The following SLC37A2 variants were observed in gnomAD, a reference collection of about 807,000 sequenced individuals.
SLC37A2 encodes the protein glucose-6-phosphate exchanger SLC37A2.
In SLC37A2, 59 loss-of-function variants were observed where a neutral mutation model predicts 70.7. That is an observed-to-expected ratio of 0.83 (90% confidence interval 0.68 to 1.04). The LOEUF (loss-of-function observed/expected upper bound fraction) is 1.04, where lower values mean the gene tolerates loss of function less well. Among genes scored for constraint, SLC37A2 ranks in the 50% least tolerant of loss-of-function variants. The probability of loss-of-function intolerance (pLI) is 0.00; values close to 1 mark genes in which losing one functional copy is unlikely to be tolerated. For synonymous variants in SLC37A2, 257 were observed against 262.1 expected, an observed-to-expected ratio of 0.98 and a Z score of 0.19; for missense variants, 580 against 658.1, an observed-to-expected ratio of 0.88 and a Z score of 1.30.
chr11:125,063,791 G>T lies in SLC37A2; in HGVS notation c.59+365G>T, dbSNP rs191359045. Among the ~76,000 whole-genome samples, 1 of 152,346 alleles carries T rather than the reference G, an allele frequency of 6.6e-6. No homozygotes were observed. Among genetic ancestry groups the T allele is most frequent in the East Asian group, 1.9e-4 (1 of 5,172 alleles). On this transcript the variant is annotated intron_variant, in intron 1 of 17. Coordinates refer to ENST00000403796, the MANE Select transcript of SLC37A2 (RefSeq NM_001145290.2). The surrounding 1 kb of genome is among the most constrained non-coding windows in gnomAD (Gnocchi z 5.4). ...GCAGCTGGGGAACCTGGGCTCGAAG[G>T]CTGGGGAACCGAGGCCAGGGGATGG...
At chr11:125,068,707 A>G (rs1949003205) in intron 1 of SLC37A2, among the ~76,000 whole-genome samples, 1 of 152,246 alleles carries the variant, frequency 6.6e-6, no homozygotes, top group African/African-American at 2.4e-5. Context: ...GGTATACAGG[A>G]AGCATGGAAT....
chr11:125,069,148 G>A (rs1331118427), intron 1 of SLC37A2, among the ~76,000 whole-genome samples: 1 of 152,182 alleles, frequency 6.6e-6, no homozygotes, highest in Non-Finnish European at 1.5e-5. Flanking sequence ...TTTGTGCCAG[G>A]CATTGTTTAT....
chr11:125,073,666 A>G (rs1436324496), intron 1 of SLC37A2, among the ~76,000 whole-genome samples: 1 of 152,268 alleles, frequency 6.6e-6, no homozygotes, highest in Non-Finnish European at 1.5e-5. Flanking sequence ...AAAAGATGTA[A>G]GGAATGAAAC....
intron 4 of SLC37A2, among the ~76,000 whole-genome samples, chr11:125,078,863 C>T (rs963456095): frequency 2.0e-5 from 3 of 151,760 alleles, no homozygotes; most frequent in African/African-American, 7.3e-5. Flanking sequence ...AAGACCGCAC[C>T]GAGAGGAAAA....
In SLC37A2 at chr11:125,083,670, T is replaced by G; in HGVS notation, c.977-145T>G. 1.4e-6 allele frequency: 1 copy of G among 707,412 alleles called. No homozygotes were observed. The highest frequency in any genetic ancestry group is 2.5e-6 in the Non-Finnish European group (1 of 403,670). The allele number at this position is 707,412 out of a possible 1,614,324, so 43.8% of individuals were successfully genotyped here. ...CTGCTGCATTCTCACCCTGTGGCCC[T>G]GGCCAGCCTGCTCCACAGGTCCCCA... On this transcript the variant is annotated intron_variant, in intron 10 of 17. Coordinates refer to ENST00000403796, the MANE Select transcript of SLC37A2 (RefSeq NM_001145290.2). The surrounding 1 kb of genome is among the most constrained non-coding windows in gnomAD (Gnocchi z 4.6).
chr11:125,076,621 C>T (rs562884340), intron 1 of SLC37A2, 136 bp from the exon 2 acceptor site: 5 of 780,040 alleles, frequency 6.4e-6, no homozygotes, highest in African/African-American at 3.4e-5. Flanking sequence ...TCCCCTTGGC[C>T]TCTGCACCAA....
chr11:125,074,554 A>G (rs1372422768), intron 1 of SLC37A2, among the ~76,000 whole-genome samples: 1 of 151,578 alleles, frequency 6.6e-6, no homozygotes, highest in Non-Finnish European at 1.5e-5. Context: ...GATAAGGAAG[A>G]ACACCTGGGG....
intron 4 of SLC37A2, among the ~76,000 whole-genome samples, chr11:125,078,786 T>C (rs1449275990): frequency 7.4e-6 from 1 of 134,242 alleles, no homozygotes; most frequent in African/African-American, 3.0e-5. Context: ...GGCCTGAAGA[T>C]ATGCATGTGA....
At chr11:125,078,127 G>A (rs1201811111) in intron 4 of SLC37A2, among the ~76,000 whole-genome samples, 1 of 152,212 alleles carries the variant, frequency 6.6e-6, no homozygotes, top group Non-Finnish European at 1.5e-5. Context: ...AAGGGACTTG[G>A]GTGCGGCGGT....
chr11:125,079,572 A>G, intron 5 of SLC37A2, 112 bp from the exon 6 acceptor site: 5 of 786,676 alleles, frequency 6.4e-6, no homozygotes, highest in Non-Finnish European at 1.1e-5. Flanking sequence ...AGTGTGGGGT[A>G]TGGAGGGCCC....
chr11:125,080,379 C>A lies in SLC37A2; in HGVS notation c.528-235C>A, dbSNP rs760345898. The stretch of plus-strand genomic sequence containing the variant: ...CCCTCAGTGTGGCTAGAGCTCCCAT[C>A]GGCACTCACTCAGGGAGCTGGGCAG... On this transcript the variant is annotated intron_variant, in intron 6 of 17. Transcript: ENST00000403796. This position sits in a 1 kb window ranked among gnomAD's most constrained non-coding sequence, Gnocchi z 4.3. Among the ~76,000 whole-genome samples, 1 of 152,192 alleles carries A rather than the reference C, an allele frequency of 6.6e-6. No individual in the cohort carries two copies. The highest frequency in any genetic ancestry group is 1.5e-5 in the Non-Finnish European group (1 of 68,034).
chr11:125,079,928 A>T (rs1009959294), intron 6 of SLC37A2, among the ~76,000 whole-genome samples, 168 bp downstream of exon 6: 1 of 152,156 alleles, frequency 6.6e-6, no homozygotes, highest in Non-Finnish European at 1.5e-5. Flanking sequence ...TTTCTCACTG[A>T]TGAGGCTTTA....
At position 125,083,855 on chromosome 11, in the gene SLC37A2, C is replaced by T; in HGVS notation, c.1017C>T (p.Leu339=). ...SAKEAGDLST[L]FDVGGIIGGI... ...AGGAGGCTGGGGACCTGTCTACACT[C>T]TTCGATGTTGGTGGCATCATAGGTG... The change falls in exon 11 of 18, where the codon CTC becomes CTT. Residue 339 remains leucine, a synonymous_variant. Coordinates refer to ENST00000403796, the MANE Select transcript of SLC37A2 (RefSeq NM_001145290.2). The surrounding 1 kb of genome is among the most constrained non-coding windows in gnomAD (Gnocchi z 4.6). The T allele has an allele frequency of 6.2e-7, 1 of 1,614,200 alleles. No homozygotes were observed. Among genetic ancestry groups the T allele is most frequent in the Non-Finnish European group, 8.5e-7 (1 of 1,180,028 alleles).
chr11:125,065,866 T>A (rs1948974814), intron 1 of SLC37A2, among the ~76,000 whole-genome samples: 1 of 152,232 alleles, frequency 6.6e-6, no homozygotes, highest in Admixed American at 6.5e-5. Flanking sequence ...AAAAGATATT[T>A]ATAAGTGTTT....
intron 17 of SLC37A2, chr11:125,086,315 G>A (rs2095299686): frequency 1.5e-5 from 20 of 1,293,160 alleles, no homozygotes; most frequent in South Asian, 1.1e-4. Context: ...GGGGCTGCAT[G>A]CAAATCCTCT....
intron 11 of SLC37A2, 29 bp from the exon 12 acceptor site, chr11:125,084,205 G>T (rs1315191134): frequency 6.2e-7 from 1 of 1,613,376 alleles, no homozygotes; most frequent in Non-Finnish European, 8.5e-7. Flanking sequence ...CTGTCTGGGA[G>T]TCAGTGCGTG....
chr11:125,072,207 C>G (rs1949036111), intron 1 of SLC37A2, among the ~76,000 whole-genome samples: 1 of 152,076 alleles, frequency 6.6e-6, no homozygotes, highest in Non-Finnish European at 1.5e-5. Flanking sequence ...CATGCCATTT[C>G]TTGATTTTTA....
intron 6 of SLC37A2, 44 bp downstream of exon 6, chr11:125,079,804 TG>T: frequency 4.8e-6 from 7 of 1,466,636 alleles, no homozygotes; most frequent in Non-Finnish European, 6.6e-6. Flanking sequence ...TTGGGAGGGC[TG>T]GGGGTCCTGA....
At position 125,088,102 on chromosome 11, in the gene SLC37A2, CT is replaced by C. The variant is rs754086437; in HGVS notation, c.1491-16del. 2 of 1,551,906 alleles carry C rather than the reference CT, an allele frequency of 1.3e-6. No homozygotes were observed. Among genetic ancestry groups the C allele is most frequent in the South Asian group, 1.2e-5 (1 of 84,062 alleles). ...CATCTCACTTTCTCTTCTGTCCCCCCTCTCCTCTTCATGCAGGTATAAAGAA... is the reference window on the plus strand; with the variant it reads ...CATCTCACTTTCTCTTCTGTCCCCCCCTCCTCTTCATGCAGGTATAAAGAA... On this transcript the variant is annotated splice_polypyrimidine_tract_variant and intron_variant, in intron 17 of 17. Transcript: ENST00000403796.
Sources: allele counts gnomAD v4.1 joint callset (sites outside exome capture counted in the v4.1 genomes callset), GRCh38; gene constraint gnomAD v4.1.1; non-coding constraint Gnocchi (gnomAD v3.1); transcripts MANE v1.5; gene names NCBI Gene and HGNC (gene_info 2026-07-23, HGNC 2026-07-21).